RBMX: variants seen among roughly 807,000 people sequenced by gnomAD.
RBMX encodes the protein RNA-binding motif protein, X chromosome.
A neutral mutation model predicts 29.3 loss-of-function variants in RBMX; 1 was observed. The ratio of observed to expected loss-of-function variants is 0.03; its 90% CI spans 0.01 to 0.16. RBMX has a LOEUF of 0.16. RBMX is among the 10% of genes least tolerant of loss of function. RBMX has a pLI of 1.00. For missense variants in RBMX, 121 were observed against 333.2 expected (o/e 0.36, Z 4.96); for synonymous variants, 102 against 102.3 (o/e 1.00, Z 0.02).
intron 1 of RBMX, 71 bp downstream of exon 1, chrX:136,880,526 G>A (rs920101591): frequency 3.8e-4 from 43 of 112,041 alleles, no homozygotes; most frequent in Non-Finnish European, 6.6e-4. Flanking sequence ...CCATCTCCAG[G>A]GAGATATAAT....
intron 3 of RBMX, among the ~76,000 whole-genome samples, chrX:136,878,508 G>A (rs181752576): frequency 1.8e-5 from 2 of 109,151 alleles, no homozygotes; most frequent in Non-Finnish European, 3.8e-5. Flanking sequence ...TACTTTGGGA[G>A]GCGGAGGCAG....
chrX:136,872,486 C>A, downstream of RBMX: 1 of 530,078 alleles, frequency 1.9e-6, no homozygotes, highest in Non-Finnish European at 3.1e-6. Flanking sequence ...TACTATTTGT[C>A]TTAAGTGGTG....
At chrX:136,876,458 TTG>T (rs761788974) in intron 5 of RBMX, 43 bp downstream of exon 5, 634 of 1,112,987 alleles carry the variant, frequency 5.7e-4, no homozygotes, top group Non-Finnish European at 7.0e-4. Context: ...TCTCAATTCT[TTG>T]TGTTACGGTA....
At chrX:136,878,745 C>CAA (rs749152530) in intron 3 of RBMX, among the ~76,000 whole-genome samples, 464 of 37,070 alleles carry the variant, frequency 0.013, 8 homozygotes, top group East Asian at 0.064. Context: ...GGGAGACTAT[C>CAA]AAAAAAAAAA....
At position 136,875,316 on chromosome X, in the gene RBMX, T is replaced by G. The variant is rs1357731721; in HGVS notation, c.724A>C (p.Thr242Pro). 8.3e-7 allele frequency: 1 copy of G among 1,211,695 alleles called. No homozygotes were observed. The highest frequency in any genetic ancestry group is 1.1e-6 in the Non-Finnish European group (1 of 895,484). ...CTGGAATGACCATAATCACGGTAAGTATAATCTCGTGGTGGTGGTGCATAA... is the reference window on the plus strand; with the variant it reads ...CTGGAATGACCATAATCACGGTAAGGATAATCTCGTGGTGGTGGTGCATAA... Reference protein sequence around the residue: ...RDYAPPPRDYTYRDYGHSSSR... With the variant: ...RDYAPPPRDYPYRDYGHSSSR... Residue 242 changes from threonine (T) to proline (P), a missense_variant, in exon 7 of 9, where the codon ACT (threonine) becomes CCT (proline). This residue lies in a region of RBMX where 114 missense variants were observed against 260.0 expected (regional missense o/e 0.44). Coordinates refer to ENST00000320676, the MANE Select transcript of RBMX (RefSeq NM_002139.4).
In RBMX at chrX:136,873,982, T is replaced by C; in HGVS notation, c.*160A>G. 1 of 1,087,811 alleles carries C rather than the reference T, an allele frequency of 9.2e-7. No individual in the cohort carries two copies. Among genetic ancestry groups the C allele is most frequent in the East Asian group, 3.3e-5 (1 of 30,011 alleles). 89.6% of individuals were successfully genotyped at this position (1,087,811 alleles called of 1,213,427 possible). The stretch of plus-strand genomic sequence containing the variant: ...ATAAAATTAAACATGTTTTACTTTT[T>C]TCCTCACAAGAACATAAAAATTATG... On this transcript the variant is annotated 3_prime_UTR_variant, in exon 9 of 9. Transcript: ENST00000320676.
At chrX:136,872,940 A>G (rs1234600533), downstream of RBMX, 1 of 110,877 alleles carries the variant, frequency 9.0e-6, no homozygotes, top group Non-Finnish European at 1.9e-5. Context: ...GCATGTTTAA[A>G]GGTCTTCATC....
rs551259279 is a variant in RBMX at position 136,877,452 on chromosome X, C to CT, written c.388+462dup. On this transcript the variant is annotated intron_variant, in intron 4 of 8. Transcript: ENST00000320676. Reference sequence around the variant, plus strand: ...AAGAACTGAAGGTAGTCTTAAAAAACTTTTTTTTTTTTTTTTTGAGAGGGA... The same window carrying CT: ...AAGAACTGAAGGTAGTCTTAAAAAACTTTTTTTTTTTTTTTTTTGAGAGGGA... 9.7e-3 allele frequency among the ~76,000 whole-genome samples: 833 copies of CT among 85,818 alleles called. 7 individuals carry two copies. Among genetic ancestry groups the CT allele is most frequent in the African/African-American group, 0.02 (478 of 23,398 alleles). 74.5% of individuals were successfully genotyped at this position (85,818 alleles called of 115,157 possible).
intron 1 of RBMX, among the ~76,000 whole-genome samples, chrX:136,879,726 T>G (rs1320631197): frequency 3.6e-5 from 4 of 111,857 alleles, no homozygotes; most frequent in African/African-American, 1.3e-4. Flanking sequence ...CAACAGCTGC[T>G]TAACATTTGA....
Position 136,879,359 on chromosome X carries a change from A to C in RBMX, c.69T>G (p.Ala23=), listed in dbSNP as rs946436332. ...CATATTTGCCAAATACTGCTTCAAG[A>C]GCTTTCTCATTTGTTTCCGTATTAA... ...GGLNTETNEK[A]LEAVFGKYGR... is the part of the protein sequence containing the mutation. Residue 23 remains alanine, a synonymous_variant, in exon 2 of 9, where the codon GCT becomes GCG. Coordinates refer to ENST00000320676, the MANE Select transcript of RBMX (RefSeq NM_002139.4). 1.7e-5 allele frequency: 20 copies of C among 1,208,672 alleles called. No homozygotes were observed. The highest frequency in any genetic ancestry group is 2.0e-5 in the Non-Finnish European group (18 of 895,102).
chrX:136,872,239 C>A, downstream of RBMX: 1 of 1,074,212 alleles, frequency 9.3e-7, no homozygotes, highest in Non-Finnish European at 1.3e-6. Context: ...ACATTTAAAC[C>A]TTCAAAGGCC....
At chrX:136,870,560 C>T (rs2077677825), downstream of RBMX, 1 of 111,315 alleles carries the variant, frequency 9.0e-6, no homozygotes, top group African/African-American at 3.3e-5. Flanking sequence ...CAAGCAGGCG[C>T]AGTGGCTCAC....
At chrX:136,878,276 T>C (rs2077756000) in intron 3 of RBMX, among the ~76,000 whole-genome samples, 190 bp from the exon 4 acceptor site, 1 of 111,012 alleles carries the variant, frequency 9.0e-6, no homozygotes, top group Admixed American at 9.6e-5. Context: ...TTCTTAATAC[T>C]TAAAACCGAT....
At chrX:136,880,369 C>A (rs2077786365) in intron 1 of RBMX, among the ~76,000 whole-genome samples, 2 of 112,620 alleles carry the variant, frequency 1.8e-5, no homozygotes, top group Admixed American at 1.9e-4. Flanking sequence ...AAGCCCCGAC[C>A]TCCGCTACCA....
rs1302790064 is a variant in RBMX at position 136,874,436 on chromosome X, A to G, written c.882T>C (p.Ala294=). The G allele has an allele frequency of 2.5e-6, 3 of 1,212,612 alleles. No homozygotes were observed. The highest frequency in any genetic ancestry group is 3.3e-6 in the Non-Finnish European group (3 of 895,616). Residue 294 remains alanine (A), a synonymous_variant, in exon 9 of 9, where the codon GCT becomes GCC. Transcript: ENST00000320676. The part of the protein sequence containing the change: ...SYESYGNSRS[A]PPTRGPPPSY... ...ATGGCGGGGGCCCTCGTGTAGGTGG[A>G]GCACTACGTGAGTTACCTGCAGGGT...
chrX:136,878,288 C>T (rs1011891503), intron 3 of RBMX, among the ~76,000 whole-genome samples: 1 of 110,903 alleles, frequency 9.0e-6, no homozygotes, highest in African/African-American at 3.3e-5. Context: ...AAAACCGATA[C>T]TGATGATCTG....
downstream of RBMX, chrX:136,872,502 T>G: frequency 2.0e-6 from 1 of 492,786 alleles, no homozygotes; most frequent in Non-Finnish European, 3.5e-6. Flanking sequence ...TGGTGGAAGA[T>G]TCACTGGCTC....
Position 136,877,341 on chromosome X carries a change from C to CCCA in RBMX, c.388+573_388+574insTGG, listed in dbSNP as rs1491575416. ...GTGCTAAACTCTACCCCCCCCCCCC[C>CCCA]AAAAAAAAACCATTATTGATTTGGG... On this transcript the variant is annotated intron_variant, in intron 4 of 8. Transcript: ENST00000320676. Among the ~76,000 whole-genome samples, 17 of 73,657 alleles carry CCCA rather than the reference C, an allele frequency of 2.3e-4. 1 individual carries two copies. The highest frequency in any genetic ancestry group is 8.5e-4 in the South Asian group (1 of 1,173). 64.0% of individuals were successfully genotyped at this position (73,657 alleles called of 115,157 possible).
chrX:136,872,104 T>C (rs900446159), downstream of RBMX, among the ~76,000 whole-genome samples: 3 of 112,146 alleles, frequency 2.7e-5, no homozygotes, highest in African/African-American at 9.7e-5. Context: ...TCACAATGAA[T>C]GTGTCAGGCA....
Sources: allele counts gnomAD v4.1 joint callset (sites outside exome capture counted in the v4.1 genomes callset), GRCh38; gene constraint gnomAD v4.1.1; regional missense constraint gnomAD v4.1.1; transcripts MANE v1.5; gene names NCBI Gene and HGNC (gene_info 2026-07-23, HGNC 2026-07-21).